The following PRRC2C variants were observed in gnomAD, a reference collection of about 807,000 sequenced individuals.
PRRC2C encodes the protein protein PRRC2C.
A neutral mutation model predicts 317.2 loss-of-function variants in PRRC2C; 72 were observed. That is an observed-to-expected ratio of 0.23 (90% CI 0.19 to 0.28). The LOEUF is 0.28. PRRC2C is among the 10% of genes least tolerant of loss of function. PRRC2C has a pLI of 1.00. For missense variants in PRRC2C, 3,074 were observed against 3,459.7 expected, an observed-to-expected ratio of 0.89 and a Z score of 2.80; for synonymous variants, 1,296 against 1,205.9, an observed-to-expected ratio of 1.07 and a Z score of -1.55.
chr1:171,533,569 T>A (rs1469245934), intron 12 of PRRC2C, among the ~76,000 whole-genome samples: 1 of 152,200 alleles, frequency 6.6e-6, no homozygotes, highest in East Asian at 1.9e-4. Context: ...GTATAAAGCC[T>A]TGGCAAAGTT....
chr1:171,504,752 GTGCTGTTC>G (rs1669859620), intron 1 of PRRC2C, among the ~76,000 whole-genome samples: 1 of 152,042 alleles, frequency 6.6e-6, no homozygotes, highest in South Asian at 2.1e-4. Context: ...GGGGTGGGTG[GTGCTGTTC>G]TAGAGCCAGT....
intron 23 of PRRC2C, among the ~76,000 whole-genome samples, chr1:171,569,261 C>G (rs907806449): frequency 8.9e-5 from 6 of 67,446 alleles, no homozygotes; most frequent in Non-Finnish European, 2.0e-4. Context: ...ATTTAAAGGT[C>G]TGTCACAAAG....
intron 11 of PRRC2C, among the ~76,000 whole-genome samples, chr1:171,531,302 T>C (rs1488168993): frequency 2.6e-5 from 4 of 152,234 alleles, no homozygotes. Context: ...ACTTAAAATA[T>C]GTGCAGCACA....
intron 15 of PRRC2C, among the ~76,000 whole-genome samples, chr1:171,537,884 T>C (rs1677134148): frequency 6.6e-6 from 1 of 151,462 alleles, no homozygotes; most frequent in Non-Finnish European, 1.5e-5. Context: ...CTTTGTGGGG[T>C]TTTTTGTTTT....
At chr1:171,581,057 A>G (rs59907184) in intron 28 of PRRC2C, among the ~76,000 whole-genome samples, 12,007 of 152,162 alleles carry the variant, frequency 0.079, 1,575 homozygotes, top group African/African-American at 0.27. Flanking sequence ...TGTGGCTTTT[A>G]TTTTTACCTT....
At chr1:171,571,450 C>T in intron 24 of PRRC2C, 29 bp downstream of exon 24, 3 of 1,491,776 alleles carry the variant, frequency 2.0e-6, no homozygotes, top group Non-Finnish European at 2.8e-6. Flanking sequence ...TCTAAGAGTC[C>T]TTAATTGTTG....
At chr1:171,574,456 G>T (rs1338398356) in intron 24 of PRRC2C, among the ~76,000 whole-genome samples, 1 of 152,142 alleles carries the variant, frequency 6.6e-6, no homozygotes, top group Admixed American at 6.5e-5. Flanking sequence ...GTTACATCTG[G>T]TGGTACATGA....
At chr1:171,514,166 G>C (rs1671883531) in intron 3 of PRRC2C, among the ~76,000 whole-genome samples, 1 of 152,142 alleles carries the variant, frequency 6.6e-6, no homozygotes, top group African/African-American at 2.4e-5. Context: ...CACCAGTCCA[G>C]ACTGTATGTA....
In PRRC2C at chr1:171,541,290, A is replaced by C. The variant is rs759403914; in HGVS notation, c.3824A>C (p.Glu1275Ala). 5.0e-6 allele frequency: 8 copies of C among 1,613,900 alleles called. No individual in the cohort carries two copies. The highest frequency in any genetic ancestry group is 6.8e-6 in the Non-Finnish European group (8 of 1,179,890). Residue 1275 changes from glutamate to alanine, a missense_variant, in exon 16 of 35, where the codon GAA (glutamate) becomes GCA (alanine). Around this residue, in one of 11 missense-constraint regions of PRRC2C, gnomAD observed 1,320 missense variants for 1,395.7 expected, o/e 0.95. Transcript: ENST00000647382. The surrounding 1 kb of genome is among the most constrained non-coding windows in gnomAD (Gnocchi z 4.1). ...SETDTDSEIH[E>A]SASDKDSLSK... Reference sequence around the variant, plus strand: ...ACTGACACAGACAGTGAAATTCATGAAAGTGCAAGTGACAAGGACAGTTTA... The same window carrying C: ...ACTGACACAGACAGTGAAATTCATGCAAGTGCAAGTGACAAGGACAGTTTA...
At chr1:171,532,203 T>A (rs923225605) in intron 11 of PRRC2C, 140 bp from the exon 12 acceptor site, 8 of 856,648 alleles carry the variant, frequency 9.3e-6, no homozygotes, top group Non-Finnish European at 1.4e-5. Flanking sequence ...ATTTCCCATC[T>A]TATGTGTTTT....
At chr1:171,563,019 G>A (rs1488962009) in intron 20 of PRRC2C, among the ~76,000 whole-genome samples, 1 of 152,162 alleles carries the variant, frequency 6.6e-6, no homozygotes, top group Non-Finnish European at 1.5e-5. Flanking sequence ...GTGTCAGATG[G>A]CTGCTGGTAG....
At chr1:171,578,881 A>T (rs1251363093) in intron 26 of PRRC2C, among the ~76,000 whole-genome samples, 1 of 152,130 alleles carries the variant, frequency 6.6e-6, no homozygotes, top group South Asian at 2.1e-4. Context: ...AACAAAAACA[A>T]AAAAAAACAG....
chr1:171,527,282 G>A (rs1304425099), intron 10 of PRRC2C, among the ~76,000 whole-genome samples: 2 of 150,178 alleles, frequency 1.3e-5, no homozygotes, highest in Non-Finnish European at 3.0e-5. Context: ...ACAGGCACCC[G>A]CCACCACGCC....
intron 1 of PRRC2C, among the ~76,000 whole-genome samples, chr1:171,500,545 C>T (rs773779674): frequency 2.6e-5 from 4 of 152,080 alleles, no homozygotes; most frequent in South Asian, 2.1e-4. Flanking sequence ...TACCGGTACA[C>T]GCCACCATGC....
chr1:171,506,699 G>T (rs952909549), intron 1 of PRRC2C, among the ~76,000 whole-genome samples: 1 of 149,416 alleles, frequency 6.7e-6, no homozygotes, highest in Admixed American at 6.7e-5. Context: ...GTGTGTGTGT[G>T]TGTGTGTGTG....
At chr1:171,583,910 G>A (rs1243063714) in intron 28 of PRRC2C, 46 bp from the exon 29 acceptor site, 1 of 1,508,610 alleles carries the variant, frequency 6.6e-7, no homozygotes, top group African/African-American at 1.4e-5. Context: ...TCAGATTCCA[G>A]ATGAAATTAA....
intron 24 of PRRC2C, among the ~76,000 whole-genome samples, chr1:171,572,643 T>G (rs1684976389): frequency 6.6e-6 from 1 of 152,256 alleles, no homozygotes. Context: ...CAGCCTTTTC[T>G]GTTGTCTTTT....
chr1:171,553,104 G>T (rs986983562), intron 18 of PRRC2C, among the ~76,000 whole-genome samples: 3 of 152,078 alleles, frequency 2.0e-5, no homozygotes, highest in African/African-American at 7.2e-5. Flanking sequence ...ACTTTTTTTG[G>T]TTGGTAGGCT....
At chr1:171,507,233 G>T (rs1188571010) in intron 1 of PRRC2C, among the ~76,000 whole-genome samples, 11 of 152,138 alleles carry the variant, frequency 7.2e-5, no homozygotes, top group Non-Finnish European at 1.5e-5. Flanking sequence ...AACATAAAAA[G>T]AAGAAAAGAT....
Sources: gnomAD v4.1 joint callset for allele counts (sites outside exome capture counted in the v4.1 genomes callset) on GRCh38, gnomAD v4.1.1 for gene constraint, gnomAD v4.1.1 regional missense constraint, Gnocchi (gnomAD v3.1) non-coding constraint, MANE v1.5 for transcripts, NCBI Gene and HGNC (gene_info 2026-07-23, HGNC 2026-07-21) for gene names.